UNC45B: variants seen among roughly 807,000 people sequenced by gnomAD.
UNC45B encodes protein unc-45 homolog B.
Under a neutral mutation model 98.7 loss-of-function variants are expected in UNC45B, and 78 were observed. The ratio of observed to expected loss-of-function variants is 0.79; its 90% CI spans 0.66 to 0.95. The LOEUF (loss-of-function observed/expected upper bound fraction) is 0.95, where lower values mean the gene tolerates loss of function less well. Among genes scored for constraint, UNC45B ranks in the 40% least tolerant of loss-of-function variants. The probability of loss-of-function intolerance (pLI) is 0.00; values close to 1 mark genes in which losing one functional copy is unlikely to be tolerated. For synonymous variants in UNC45B, 462 were observed against 480.4 expected (o/e 0.96, Z 0.50); for missense variants, 1,225 against 1,184.9 (o/e 1.03, Z -0.50).
At chr17:35,175,071 GAAA>G (rs747333429) in intron 14 of UNC45B, among the ~76,000 whole-genome samples, 195 of 93,658 alleles carry the variant, frequency 2.1e-3, no homozygotes, top group Non-Finnish European at 3.6e-3. Flanking sequence ...AAGAAAGAAA[GAAA>G]GAAAGAAAGA....
At chr17:35,163,946 A>AGGAT in intron 8 of UNC45B, 49 bp from the exon 9 acceptor site, 1 of 1,539,536 alleles carries the variant, frequency 6.5e-7, no homozygotes, top group Non-Finnish European at 8.8e-7. Flanking sequence ...GGTGTGTGTG[A>AGGAT]GGATGGAGCC....
intron 17 of UNC45B, 46 bp from the exon 18 acceptor site, chr17:35,180,513 C>G: frequency 1.3e-6 from 2 of 1,527,974 alleles, no homozygotes; most frequent in Non-Finnish European, 1.8e-6. Flanking sequence ...CCTATGGTCA[C>G]GGCAGAAGAC....
At chr17:35,171,520 G>C in intron 13 of UNC45B, 58 bp downstream of exon 13, 1 of 1,580,406 alleles carries the variant, frequency 6.3e-7, no homozygotes. Flanking sequence ...CTCCAAAGGA[G>C]GCGGAACGGC....
chr17:35,152,344 G>T (rs555964473), intron 4 of UNC45B, among the ~76,000 whole-genome samples: 15 of 152,154 alleles, frequency 9.9e-5, no homozygotes, highest in Non-Finnish European at 1.8e-4. Flanking sequence ...ATGAGCTGGC[G>T]GAGTGAAGGA....
chr17:35,182,865 T>C (rs1345802411), intron 18 of UNC45B, among the ~76,000 whole-genome samples: 2 of 151,986 alleles, frequency 1.3e-5, no homozygotes, highest in Non-Finnish European at 2.9e-5. Flanking sequence ...TGAGATGCTG[T>C]GAGGGGTTAA....
intron 18 of UNC45B, among the ~76,000 whole-genome samples, chr17:35,180,906 C>G (rs1024276745): frequency 6.6e-6 from 1 of 152,084 alleles, no homozygotes; most frequent in Admixed American, 6.5e-5. Context: ...GGCTTTCAAT[C>G]CAGACCCTGG....
intron 4 of UNC45B, among the ~76,000 whole-genome samples, chr17:35,150,587 T>C (rs1183943302): frequency 6.6e-6 from 1 of 152,094 alleles, no homozygotes; most frequent in Non-Finnish European, 1.5e-5. Flanking sequence ...CCGTCTCTAC[T>C]AAAAATACAA....
Position 35,154,582 on chromosome 17 carries a change from C to T in UNC45B, c.480C>T (p.Asn160=). ...SEADKREKAA[N]NLIVLGREEA... ...GCCTCTTCCTCCTTCAGGCTGCCAA[C>T]AATCTCATTGTCCTAGGCCGTGAGG... Residue 160 remains asparagine (N), a synonymous_variant, in exon 6 of 20, where the codon AAC becomes AAT. Coordinates refer to ENST00000394570, the MANE Select transcript of UNC45B (RefSeq NM_001267052.2). 1 of 1,612,626 alleles carries T rather than the reference C, an allele frequency of 6.2e-7. No individual in the cohort carries two copies. Among genetic ancestry groups the T allele is most frequent in the Non-Finnish European group, 8.5e-7 (1 of 1,179,504 alleles).
rs751930445 is a variant in UNC45B, at chr17:35,174,330, G to A, written c.1919G>A (p.Ser640Asn). ...CTGGCTTGCATGGTGAAAGCAGATA[G>A]TGCCATCCTCACTGACCAGACCAAG... ...SALACMVKADSAILTDQTKEL... is the reference protein window; with the variant it reads ...SALACMVKADNAILTDQTKEL... The change falls in exon 14 of 20, where the codon AGT becomes AAT. Residue 640 changes from serine to asparagine, a missense_variant. By Grantham distance (46) the Ser-to-Asn change is conservative. Transcript: ENST00000394570. The A allele has an allele frequency of 5.0e-6, 8 of 1,614,210 alleles. No individual in the cohort carries two copies. Among genetic ancestry groups the A allele is most frequent in the East Asian group, 2.2e-5 (1 of 44,884 alleles).
chr17:35,168,253 C>T lies in UNC45B; in HGVS notation c.1344C>T (p.Ala448=). ...TGGCCGTGGAGGCCCTCATCCATGCCTCCACGAAGCTCAGCCGCGCCACCT... is the reference window on the plus strand; with the variant it reads ...TGGCCGTGGAGGCCCTCATCCATGCTTCCACGAAGCTCAGCCGCGCCACCT... ...QLVAVEALIH[A]STKLSRATFI... The change falls in exon 10 of 20, where the codon GCC becomes GCT. Residue 448 remains alanine (A), a synonymous_variant. Transcript: ENST00000394570. 1 of 1,571,482 alleles carries T rather than the reference C, an allele frequency of 6.4e-7. No individual in the cohort carries two copies. Among genetic ancestry groups the T allele is most frequent in the Non-Finnish European group, 8.6e-7 (1 of 1,158,824 alleles).
chr17:35,158,671 G>A (rs2092080514), intron 7 of UNC45B, among the ~76,000 whole-genome samples: 1 of 152,220 alleles, frequency 6.6e-6, no homozygotes, highest in Admixed American at 6.5e-5. Context: ...CACAGAAGGA[G>A]TCTGTTATCT....
At chr17:35,152,339 C>T (rs1048349681) in intron 4 of UNC45B, among the ~76,000 whole-genome samples, 4 of 152,106 alleles carry the variant, frequency 2.6e-5, no homozygotes, top group Non-Finnish European at 5.9e-5. Flanking sequence ...TCAAAATGAG[C>T]TGGCGGAGTG....
At chr17:35,173,104 G>T (rs1254211466) in intron 13 of UNC45B, among the ~76,000 whole-genome samples, 1 of 150,168 alleles carries the variant, frequency 6.7e-6, no homozygotes, top group Non-Finnish European at 1.5e-5. Context: ...ACGCACTGTG[G>T]CCTAAAACGC....
intron 17 of UNC45B, 47 bp downstream of exon 17, chr17:35,177,657 G>A: frequency 7.2e-7 from 1 of 1,392,238 alleles, no homozygotes; most frequent in Non-Finnish European, 9.9e-7. Flanking sequence ...GGCTCAAAAA[G>A]TGTTTGTTTG....
chr17:35,165,095 C>T (rs2092129479), intron 9 of UNC45B, among the ~76,000 whole-genome samples: 1 of 152,142 alleles, frequency 6.6e-6, no homozygotes, highest in Non-Finnish European at 1.5e-5. Context: ...AACTCCCAAG[C>T]TCAAGCAATC....
intron 8 of UNC45B, among the ~76,000 whole-genome samples, chr17:35,163,128 A>T (rs976661219): frequency 6.6e-6 from 1 of 152,248 alleles, no homozygotes; most frequent in African/African-American, 2.4e-5. Context: ...ATTCCTAACC[A>T]GCAGGGTTAT....
intron 7 of UNC45B, 101 bp from the exon 8 acceptor site, chr17:35,159,274 G>A (rs910007956): frequency 1.1e-5 from 12 of 1,112,124 alleles, no homozygotes; most frequent in Non-Finnish European, 1.6e-5. Context: ...AGGAAGTAGT[G>A]GATTCAGTAC....
At chr17:35,155,219 T>C in intron 6 of UNC45B, 77 bp from the exon 7 acceptor site, 1 of 1,541,062 alleles carries the variant, frequency 6.5e-7, no homozygotes, top group Non-Finnish European at 8.8e-7. Flanking sequence ...GGGAGGATTA[T>C]CACACCCTCT....
chr17:35,161,163 G>A (rs1246282696), intron 8 of UNC45B, among the ~76,000 whole-genome samples: 1 of 152,178 alleles, frequency 6.6e-6, no homozygotes, highest in Non-Finnish European at 1.5e-5. Context: ...GCTCATCCAC[G>A]TGTTATGGGA....
Sources: gnomAD v4.1 joint callset for allele counts (sites outside exome capture counted in the v4.1 genomes callset) on GRCh38, gnomAD v4.1.1 for gene constraint, MANE v1.5 for transcripts, NCBI Gene and HGNC (gene_info 2026-07-23, HGNC 2026-07-21) for gene names.